Variants in SDK1 observed in about 807,000 individuals in gnomAD.
The protein encoded by SDK1 is protein sidekick-1.
SDK1 carries 157 observed loss-of-function variants against 245.5 expected under a neutral mutation model. The ratio of observed to expected loss-of-function variants is 0.64; its 90% CI spans 0.56 to 0.73. The LOEUF (loss-of-function observed/expected upper bound fraction) is 0.73. SDK1 is among the 30% of genes least tolerant of loss of function. SDK1 has a pLI of 0.00. For synonymous variants in SDK1, 1,647 were observed against 1,278.5 expected, an observed-to-expected ratio of 1.29 and a Z score of -6.15; for missense variants, 3,583 against 3,002.3, an observed-to-expected ratio of 1.19 and a Z score of -4.52.
intron 1 of SDK1, among the ~76,000 whole-genome samples, chr7:3,552,913 A>G (rs997706806): frequency 3.3e-5 from 5 of 152,220 alleles, no homozygotes; most frequent in African/African-American, 1.2e-4. Context: ...GATTGTGCAG[A>G]AGATATTTAA....
At chr7:3,811,560 A>G (rs10951322) in intron 4 of SDK1, among the ~76,000 whole-genome samples, 55,686 of 152,056 alleles carry the variant, frequency 0.37, 12,055 homozygotes, top group African/African-American at 0.6. Flanking sequence ...GACCGACAAT[A>G]TGCACCCAGG....
chr7:4,167,058 C>T (rs1249874366), intron 32 of SDK1, among the ~76,000 whole-genome samples: 1 of 152,200 alleles, frequency 6.6e-6, no homozygotes, highest in African/African-American at 2.4e-5. Flanking sequence ...TCCTGCCTCC[C>T]CTACCTGGTG....
intron 4 of SDK1, among the ~76,000 whole-genome samples, chr7:3,714,452 C>T (rs1323700731): frequency 6.6e-6 from 1 of 152,220 alleles, no homozygotes; most frequent in East Asian, 1.9e-4. Flanking sequence ...ATTCGCCCTT[C>T]CAGAGTCTCA....
chr7:4,163,684 A>C (rs1006721079), intron 32 of SDK1, among the ~76,000 whole-genome samples: 3 of 152,170 alleles, frequency 2.0e-5, no homozygotes, highest in Non-Finnish European at 4.4e-5. Flanking sequence ...CTGAGTGAGC[A>C]GCGCCAGCCG....
chr7:4,265,304 A>G lies in SDK1; in HGVS notation c.6562A>G (p.Thr2188Ala), dbSNP rs1200938405. ...CGCGCAGCTGCACCCGGTCATCACC[A>G]CGCAGAGCGCGGGCGGCGTCTACAC... ...AGAQLHPVIT[T>A]QSAGGVYTPA... The change falls in exon 45 of 45, where the codon ACG becomes GCG. Residue 2188 changes from threonine (T) to alanine (A), a missense_variant. Coordinates refer to ENST00000404826, the MANE Select transcript of SDK1 (RefSeq NM_152744.4). The G allele has an allele frequency of 1.9e-6, 3 of 1,568,754 alleles. No individual in the cohort carries two copies. The highest frequency in any genetic ancestry group is 2.3e-5 in the East Asian group (1 of 43,404).
chr7:4,118,606 T>TGGCTCA (rs1554347672), intron 25 of SDK1, among the ~76,000 whole-genome samples: 1 of 150,540 alleles, frequency 6.6e-6, no homozygotes, highest in African/African-American at 2.4e-5. Flanking sequence ...AAAACATATG[T>TGGCTCA]CTACACAAAA....
chr7:3,352,550 G>A (rs377520024), intron 1 of SDK1, among the ~76,000 whole-genome samples: 6 of 152,180 alleles, frequency 3.9e-5, no homozygotes, highest in South Asian at 4.1e-4. Context: ...CTGTAGTTAC[G>A]TGTTCTTTGG....
chr7:4,025,016 TCACACACACA>T (rs10602730), intron 17 of SDK1, among the ~76,000 whole-genome samples: 20,917 of 148,390 alleles, frequency 0.14, 1,739 homozygotes, highest in African/African-American at 0.23. Context: ...TATTTTGCAT[TCACACACACA>T]CACACACACA....
chr7:4,193,118 T>A lies in SDK1; in HGVS notation c.5099-12761T>A, dbSNP rs904378522. 6.7e-5 allele frequency among the ~76,000 whole-genome samples: 9 copies of A among 133,794 alleles called. 1 individual carries two copies. The highest frequency in any genetic ancestry group is 1.1e-4 in the African/African-American group (4 of 35,546). 87.8% of individuals were successfully genotyped at this position (133,794 alleles called of 152,430 possible). On this transcript the variant is annotated intron_variant, in intron 35 of 44. Transcript: ENST00000404826. ...TATATATAATATAAATATATTAAAATATATATAATATATAAATATATTAAT... is the reference window on the plus strand; with the variant it reads ...TATATATAATATAAATATATTAAAAAATATATAATATATAAATATATTAAT...
intron 5 of SDK1, among the ~76,000 whole-genome samples, chr7:3,925,615 G>T (rs958986974): frequency 2.0e-5 from 3 of 152,222 alleles, no homozygotes; most frequent in African/African-American, 7.2e-5. Flanking sequence ...TCAGAGGGCA[G>T]CCTTGGGGCA....
chr7:3,608,636 T>G (rs1260540995), intron 1 of SDK1, among the ~76,000 whole-genome samples: 2 of 152,332 alleles, frequency 1.3e-5, no homozygotes, highest in African/African-American at 4.8e-5. Flanking sequence ...TTTTTTACAT[T>G]GTATAATGAA....
chr7:3,365,771 G>A (rs1781071688), intron 1 of SDK1, among the ~76,000 whole-genome samples: 1 of 152,048 alleles, frequency 6.6e-6, no homozygotes, highest in African/African-American at 2.4e-5. Context: ...GGTGGCTCAT[G>A]CCTGTAGTCC....
chr7:3,848,009 A>G (rs180862812), intron 5 of SDK1, among the ~76,000 whole-genome samples: 10 of 152,296 alleles, frequency 6.6e-5, no homozygotes, highest in African/African-American at 2.4e-4. Context: ...TATCACATCT[A>G]CCCATACACA....
At chr7:3,637,720 T>G (rs1044713545) in intron 2 of SDK1, among the ~76,000 whole-genome samples, 2 of 152,196 alleles carry the variant, frequency 1.3e-5, no homozygotes, top group African/African-American at 4.8e-5. Flanking sequence ...GGATGATTAC[T>G]TACAGTTACA....
Position 3,567,738 on chromosome 7 carries a change from G to A in SDK1, c.299-51342G>A, listed in dbSNP as rs1397660320. 2.6e-5 allele frequency among the ~76,000 whole-genome samples: 4 copies of A among 152,252 alleles called. No homozygotes were observed. In the East Asian group the frequency reaches 7.7e-4, roughly 29 times the overall value. On this transcript the variant is annotated intron_variant, in intron 1 of 44. Transcript: ENST00000404826. ...TGGTTCCTAATTGAGACAGGCTAGA[G>A]GGCTGTGCCTTTGATGGCTGCATAA...
intron 20 of SDK1, among the ~76,000 whole-genome samples, chr7:4,076,374 G>A (rs549778535): frequency 3.3e-5 from 5 of 152,102 alleles, no homozygotes; most frequent in African/African-American, 9.6e-5. Flanking sequence ...GGCAACAGGG[G>A]GAAACCCCAT....
intron 1 of SDK1, among the ~76,000 whole-genome samples, chr7:3,582,045 T>C (rs1481054592): frequency 2.0e-5 from 3 of 149,046 alleles, no homozygotes; most frequent in Admixed American, 6.7e-5. Flanking sequence ...CTCAGGTAGG[T>C]CTCCCTCAGG....
chr7:3,841,944 G>C (rs1342617063), intron 5 of SDK1, among the ~76,000 whole-genome samples: 2 of 152,198 alleles, frequency 1.3e-5, no homozygotes, highest in African/African-American at 4.8e-5. Context: ...CAAATTACAT[G>C]ACAGGTGGCC....
chr7:4,027,077 C>T (rs947378987), intron 17 of SDK1, among the ~76,000 whole-genome samples: 8 of 152,162 alleles, frequency 5.3e-5, no homozygotes, highest in African/African-American at 1.9e-4. Flanking sequence ...CTTCTTGCAT[C>T]GTGGGGTAGA....
Sources: allele counts gnomAD v4.1 joint callset (sites outside exome capture counted in the v4.1 genomes callset), GRCh38; gene constraint gnomAD v4.1.1; transcripts MANE v1.5; gene names NCBI Gene and HGNC (gene_info 2026-07-23, HGNC 2026-07-21).